Variants in SASH1 observed in about 807,000 individuals in gnomAD.
SASH1 encodes SAM and SH3 domain containing 1, also known as SAM and SH3 domain-containing protein 1.
SASH1 carries 44 observed loss-of-function variants against 125.2 expected under a neutral mutation model. The ratio of observed to expected loss-of-function variants is 0.35; its 90% confidence interval spans 0.28 to 0.45. The LOEUF (loss-of-function observed/expected upper bound fraction) is 0.45. SASH1 is among the 20% of genes least tolerant of loss of function. SASH1 has a pLI of 1.00. For synonymous variants in SASH1, 639 were observed against 649.1 expected (o/e 0.98, Z 0.24); for missense variants, 1,426 against 1,614.5 (o/e 0.88, Z 2.00).
intron 18 of SASH1, 79 bp from the exon 19 acceptor site, chr6:148,545,936 G>A (rs753829361): frequency 1.1e-5 from 15 of 1,414,276 alleles, no homozygotes; most frequent in Middle Eastern, 1.8e-4. Context: ...GAGACCCTAC[G>A]TTATATGTGG....
chr6:148,377,038 C>T (rs1469042100), intron 1 of SASH1, among the ~76,000 whole-genome samples: 4 of 148,476 alleles, frequency 2.7e-5, no homozygotes, highest in African/African-American at 4.9e-5. Flanking sequence ...GGCGTAGTGG[C>T]GGGCGCCTGT....
chr6:148,321,475 A>G (rs1175493897), intron 1 of SASH1, among the ~76,000 whole-genome samples: 1 of 152,188 alleles, frequency 6.6e-6, no homozygotes, highest in Non-Finnish European at 1.5e-5. Context: ...GAGCTACTGA[A>G]ACAGAGGAAC....
intron 8 of SASH1, chr6:148,508,536 C>A: frequency 9.7e-7 from 1 of 1,035,744 alleles, no homozygotes; most frequent in Middle Eastern, 4.8e-4. Context: ...ACAACACTCC[C>A]TTTTTTCCTT....
chr6:148,401,164 G>A (rs982580962), intron 2 of SASH1, among the ~76,000 whole-genome samples: 11 of 151,912 alleles, frequency 7.2e-5, no homozygotes, highest in African/African-American at 2.2e-4. Flanking sequence ...TAAGGTGGGA[G>A]GATGGCTTGA....
intron 7 of SASH1, among the ~76,000 whole-genome samples, chr6:148,478,050 G>C (rs1453866992): frequency 6.6e-6 from 1 of 152,136 alleles, no homozygotes; most frequent in Non-Finnish European, 1.5e-5. Context: ...TAAGGATATG[G>C]AGAAAGGGGG....
At chr6:148,547,483 G>C (rs544237260) in intron 19 of SASH1, among the ~76,000 whole-genome samples, 1 of 149,848 alleles carries the variant, frequency 6.7e-6, no homozygotes, top group South Asian at 2.1e-4. Flanking sequence ...TGGATAAGCA[G>C]GGGGGTGGCT....
intron 1 of SASH1, among the ~76,000 whole-genome samples, chr6:148,384,550 A>G (rs1783282680): frequency 6.6e-6 from 1 of 152,180 alleles, no homozygotes; most frequent in Non-Finnish European, 1.5e-5. Context: ...TTCCGTAAAG[A>G]TGGCAGCATG....
At chr6:148,499,143 AT>A (rs1356340228) in intron 8 of SASH1, among the ~76,000 whole-genome samples, 1 of 151,392 alleles carries the variant, frequency 6.6e-6, no homozygotes, top group Non-Finnish European at 1.5e-5. Flanking sequence ...CTGCAACAAA[AT>A]TCTTAGAACG....
chr6:148,534,739 T>TC lies in SASH1; in HGVS notation c.1945-9dup. 1 of 1,614,088 alleles carries TC rather than the reference T, an allele frequency of 6.2e-7. No individual in the cohort carries two copies. Among genetic ancestry groups the TC allele is most frequent in the Non-Finnish European group, 8.5e-7 (1 of 1,179,974 alleles). ...GGCTGACACCCTTCTGTCTTCCTTC[T>TC]CCCTCTCACAGGAGCACATGCCCAC... On this transcript the variant is annotated splice_polypyrimidine_tract_variant and intron_variant, in intron 15 of 19. Transcript: ENST00000367467.
intron 1 of SASH1, among the ~76,000 whole-genome samples, chr6:148,301,191 TG>T (rs778566282): frequency 3.3e-5 from 5 of 151,638 alleles, no homozygotes; most frequent in Admixed American, 6.6e-5. Flanking sequence ...CCGGGAGTGG[TG>T]GTGCATGCCT....
At chr6:148,513,220 G>A (rs966748501) in intron 8 of SASH1, 1 of 985,238 alleles carries the variant, frequency 1.0e-6, no homozygotes, top group African/African-American at 1.7e-5. Context: ...GCTTGTTTTT[G>A]TTTTGTGTGT....
intron 1 of SASH1, among the ~76,000 whole-genome samples, chr6:148,276,315 T>C (rs916172186): frequency 1.3e-5 from 2 of 152,152 alleles, no homozygotes; most frequent in African/African-American, 4.8e-5. Context: ...TTTGAAATGG[T>C]GGACATAGAA....
chr6:148,271,322 A>C (rs1016340464), upstream of SASH1, among the ~76,000 whole-genome samples: 1 of 152,198 alleles, frequency 6.6e-6, no homozygotes, highest in Non-Finnish European at 1.5e-5. Context: ...ACTAACCCTA[A>C]TGTTCCTTAG....
Position 148,529,953 on chromosome 6 carries a change from C to T in SASH1, c.1429-1573C>T, listed in dbSNP as rs1354821106. 2.6e-5 allele frequency among the ~76,000 whole-genome samples: 4 copies of T among 151,978 alleles called. No individual in the cohort carries two copies. Among genetic ancestry groups the T allele is most frequent in the African/African-American group, 7.3e-5 (3 of 41,364 alleles). ...TCTTGAGTAGCTGGGACTACAGGCACGTGCCACCATACCCGGCTAATTATT... is the reference window on the plus strand; with the variant it reads ...TCTTGAGTAGCTGGGACTACAGGCATGTGCCACCATACCCGGCTAATTATT... On this transcript the variant is annotated intron_variant, in intron 12 of 19. Transcript: ENST00000367467. The surrounding 1 kb of genome is among the most constrained non-coding windows in gnomAD (Gnocchi z 4.2).
intron 8 of SASH1, among the ~76,000 whole-genome samples, chr6:148,496,153 G>A (rs1316035140): frequency 6.6e-6 from 1 of 152,132 alleles, no homozygotes; most frequent in Non-Finnish European, 1.5e-5. Context: ...GTTTAAGAGA[G>A]GATAGATTCC....
chr6:148,396,249 C>T (rs1261363550), intron 2 of SASH1, among the ~76,000 whole-genome samples: 12 of 151,850 alleles, frequency 7.9e-5, no homozygotes, highest in Non-Finnish European at 1.2e-4. Flanking sequence ...GAGGCCAAGG[C>T]GGGCAGATCA....
intron 1 of SASH1, among the ~76,000 whole-genome samples, chr6:148,310,319 CT>C (rs1780267390): frequency 1.3e-5 from 2 of 151,568 alleles, no homozygotes; most frequent in African/African-American, 4.9e-5. Flanking sequence ...GAAACGTTGT[CT>C]CAAAACAAAA....
intron 1 of SASH1, among the ~76,000 whole-genome samples, chr6:148,360,978 A>G (rs1298292265): frequency 6.6e-6 from 1 of 152,192 alleles, no homozygotes; most frequent in Non-Finnish European, 1.5e-5. Flanking sequence ...CTAGTCCAAC[A>G]TGATTGATGT....
At chr6:148,243,696 G>A in the SASH1 span, among the ~76,000 whole-genome samples, 1 of 145,896 alleles carries the variant, frequency 6.9e-6, no homozygotes, top group Non-Finnish European at 1.5e-5. Flanking sequence ...ATGTGATCAG[G>A]AAACTTGAAA....
Sources: allele counts gnomAD v4.1 joint callset (sites outside exome capture counted in the v4.1 genomes callset), GRCh38; gene constraint gnomAD v4.1.1; non-coding constraint Gnocchi (gnomAD v3.1); transcripts MANE v1.5; gene names NCBI Gene and HGNC (gene_info 2026-07-23, HGNC 2026-07-21).